Variants in RPS6KA3 observed in about 807,000 individuals in gnomAD.
The protein encoded by RPS6KA3 is ribosomal protein S6 kinase alpha-3.
In RPS6KA3, 4 loss-of-function variants were observed where a neutral mutation model predicts 67.2. That is an observed-to-expected ratio of 0.06 (90% CI 0.03 to 0.14). RPS6KA3 has a LOEUF of 0.14. Ranked by LOEUF, RPS6KA3 falls within the 10% of genes least tolerant of loss-of-function variation. The probability of loss-of-function intolerance (pLI) is 1.00; values close to 1 mark genes in which losing one functional copy is unlikely to be tolerated. For missense variants in RPS6KA3, 204 were observed against 559.0 expected, an observed-to-expected ratio of 0.36 and a Z score of 6.40; for synonymous variants, 182 against 183.7, an observed-to-expected ratio of 0.99 and a Z score of 0.07.
chrX:20,176,308 C>T lies in RPS6KA3; in HGVS notation c.1044G>A (p.Thr348=), dbSNP rs759929991. 9.1e-6 allele frequency: 11 copies of T among 1,203,198 alleles called. No individual in the cohort carries two copies. The highest frequency in any genetic ancestry group is 1.1e-5 in the Non-Finnish European group (10 of 888,280). The change falls in exon 13 of 22, where the codon ACG becomes ACA. Residue 348 remains threonine (T), a synonymous_variant. Coordinates refer to ENST00000379565, the MANE Select transcript of RPS6KA3 (RefSeq NM_004586.3). ...AATAGAATGTATCTTCAGGCCTGCC[C>T]GTTGCAGGTTTAAATGGCGGATGAA... ...REIHPPFKPA[T]GRPEDTFYFD...
At chrX:20,211,384 C>G (rs2068709867) in intron 2 of RPS6KA3, among the ~76,000 whole-genome samples, 1 of 110,916 alleles carries the variant, frequency 9.0e-6, no homozygotes, top group Non-Finnish European at 1.9e-5. Flanking sequence ...AATTCTAGGT[C>G]TCCTGACTTT....
intron 1 of RPS6KA3, among the ~76,000 whole-genome samples, chrX:20,245,334 C>T (rs916404320): frequency 1.2e-4 from 14 of 112,088 alleles, no homozygotes; most frequent in Non-Finnish European, 2.4e-4. Context: ...CTGTTTTTAA[C>T]GTTACTTCTA....
chrX:20,170,056 T>C (rs1425662186), intron 15 of RPS6KA3, among the ~76,000 whole-genome samples: 2 of 112,464 alleles, frequency 1.8e-5, no homozygotes, highest in Non-Finnish European at 3.8e-5. Flanking sequence ...GAAAGCTACA[T>C]AGAAAATCAT....
chrX:20,201,218 C>A (rs2068424081), intron 4 of RPS6KA3, among the ~76,000 whole-genome samples: 1 of 111,609 alleles, frequency 9.0e-6, no homozygotes, highest in Non-Finnish European at 1.9e-5. Flanking sequence ...TCACTGCAAC[C>A]TCAAACTCCT....
intron 20 of RPS6KA3, among the ~76,000 whole-genome samples, chrX:20,160,228 C>T (rs2067274600): frequency 8.9e-6 from 1 of 111,767 alleles, no homozygotes; most frequent in African/African-American, 3.2e-5. Flanking sequence ...TTTTGGCTGT[C>T]TCCCAACTAG....
intron 1 of RPS6KA3, among the ~76,000 whole-genome samples, chrX:20,260,955 C>T (rs1197216280): frequency 1.8e-5 from 2 of 111,969 alleles, no homozygotes; most frequent in Admixed American, 1.9e-4. Flanking sequence ...CCAAATAACC[C>T]CACAAAGTCC....
intron 13 of RPS6KA3, 147 bp downstream of exon 13, chrX:20,176,103 T>A: frequency 2.1e-6 from 1 of 473,194 alleles, no homozygotes; most frequent in South Asian, 3.1e-5. Flanking sequence ...ACTCCTGGCC[T>A]CAAGCGATCT....
chrX:20,180,263 A>G (rs2067810462), intron 10 of RPS6KA3, among the ~76,000 whole-genome samples: 1 of 111,101 alleles, frequency 9.0e-6, no homozygotes, highest in African/African-American at 3.3e-5. Flanking sequence ...CCCATCACTT[A>G]AAGTGGGGGC....
chrX:20,198,698 A>C (rs908978703), intron 4 of RPS6KA3, among the ~76,000 whole-genome samples: 1 of 112,146 alleles, frequency 8.9e-6, no homozygotes, highest in African/African-American at 3.2e-5. Context: ...AAGACTTAAA[A>C]ACATTATCAA....
At chrX:20,260,807 A>G (rs1361979395) in intron 1 of RPS6KA3, among the ~76,000 whole-genome samples, 1 of 111,762 alleles carries the variant, frequency 8.9e-6, no homozygotes, top group African/African-American at 3.3e-5. Context: ...TCCCTATTTT[A>G]CAAATTAGGA....
chrX:20,162,930 G>T, intron 19 of RPS6KA3, 34 bp downstream of exon 19: 1 of 898,776 alleles, frequency 1.1e-6, no homozygotes, highest in Non-Finnish European at 1.6e-6. Flanking sequence ...ATGAACAAAT[G>T]CTTAGGTGCT....
chrX:20,262,458 C>T (rs2070258840), intron 1 of RPS6KA3, among the ~76,000 whole-genome samples: 1 of 111,797 alleles, frequency 8.9e-6, no homozygotes, highest in Admixed American at 9.5e-5. Context: ...AAAGAGAAGA[C>T]AAAGTCTGCC....
intron 20 of RPS6KA3, among the ~76,000 whole-genome samples, chrX:20,156,733 A>C (rs1317739627): frequency 3.6e-5 from 4 of 110,781 alleles, no homozygotes; most frequent in African/African-American, 1.3e-4. Flanking sequence ...ATGGGGTTTC[A>C]TCATGTTGCC....
chrX:20,183,172 G>C (rs1458841341), intron 10 of RPS6KA3, among the ~76,000 whole-genome samples: 1 of 110,657 alleles, frequency 9.0e-6, no homozygotes, highest in African/African-American at 3.3e-5. Flanking sequence ...TATGTATGGT[G>C]GAAGGTAGGA....
At chrX:20,216,595 T>C (rs1310447356) in intron 2 of RPS6KA3, among the ~76,000 whole-genome samples, 1 of 110,376 alleles carries the variant, frequency 9.1e-6, no homozygotes. Flanking sequence ...GGGGGGGTTG[T>C]AATTTTCAAT....
At chrX:20,163,685 T>C (rs960098388) in intron 18 of RPS6KA3, among the ~76,000 whole-genome samples, 1 of 110,480 alleles carries the variant, frequency 9.1e-6, no homozygotes, top group Non-Finnish European at 1.9e-5. Flanking sequence ...ATTATTATTA[T>C]TGAGACAGGG....
intron 2 of RPS6KA3, among the ~76,000 whole-genome samples, chrX:20,218,071 G>A (rs1011784594): frequency 1.8e-5 from 2 of 111,740 alleles, no homozygotes; most frequent in African/African-American, 3.3e-5. Context: ...TCTAATCACC[G>A]CCACAAAGAG....
chrX:20,232,666 T>A (rs1471383864), intron 2 of RPS6KA3, among the ~76,000 whole-genome samples: 1 of 112,071 alleles, frequency 8.9e-6, no homozygotes, highest in African/African-American at 3.2e-5. Context: ...TAAAAAAACA[T>A]ATTACAAGAT....
intron 1 of RPS6KA3, among the ~76,000 whole-genome samples, chrX:20,261,931 G>GT (rs1363616254): frequency 4.5e-5 from 5 of 111,852 alleles, no homozygotes; most frequent in South Asian, 3.7e-4. Flanking sequence ...TTAGATACTT[G>GT]TTTTTTTCTA....
Sources: gnomAD v4.1 joint callset for allele counts (sites outside exome capture counted in the v4.1 genomes callset) on GRCh38, gnomAD v4.1.1 for gene constraint, MANE v1.5 for transcripts, NCBI Gene and HGNC (gene_info 2026-07-23, HGNC 2026-07-21) for gene names.